Variants in SLC7A6 observed in about 807,000 individuals in gnomAD.
SLC7A6 encodes the protein solute carrier family 7 member 6.
Under a neutral mutation model 46.6 loss-of-function variants are expected in SLC7A6, and 29 were observed. The observed-to-expected ratio is 0.62, with a 90% CI of 0.46 to 0.85. The LOEUF (loss-of-function observed/expected upper bound fraction) is 0.85. Ranked by LOEUF, SLC7A6 falls within the 40% of genes least tolerant of loss-of-function variation. SLC7A6 has a pLI of 0.00. For synonymous variants in SLC7A6, 276 were observed against 257.3 expected, an observed-to-expected ratio of 1.07 and a Z score of -0.70; for missense variants, 527 against 647.6, an observed-to-expected ratio of 0.81 and a Z score of 2.02.
In SLC7A6 at chr16:68,298,122, T is replaced by C. The variant is rs1424646163; in HGVS notation, c.*794T>C. ...TCACGTTACAAGCACTTGGCTCAGG[T>C]CCAGCAAGGACAGATGAACAAATTC... On this transcript the variant is annotated 3_prime_UTR_variant, in exon 11 of 11. Coordinates refer to ENST00000219343, the MANE Select transcript of SLC7A6 (RefSeq NM_003983.6). 1 of 152,674 alleles carries C rather than the reference T, an allele frequency of 6.5e-6. No homozygotes were observed. The highest frequency in any genetic ancestry group is 6.5e-5 in the Admixed American group (1 of 15,284). The allele number at this position is 152,674 out of a possible 1,614,324, so 9.5% of individuals were successfully genotyped here.
chr16:68,293,672 G>A (rs951100330), intron 7 of SLC7A6, among the ~76,000 whole-genome samples: 2 of 152,156 alleles, frequency 1.3e-5, no homozygotes, highest in South Asian at 2.1e-4. Flanking sequence ...TGGGGCTCTA[G>A]GCATTCTACA....
At chr16:68,276,749 G>A (rs1411677804) in intron 3 of SLC7A6, among the ~76,000 whole-genome samples, 1 of 152,156 alleles carries the variant, frequency 6.6e-6, no homozygotes, top group Non-Finnish European at 1.5e-5. Context: ...TGTAATCCCA[G>A]CACTTTGGGA....
At chr16:68,284,631 C>T (rs2042890873) in intron 3 of SLC7A6, 4 of 985,086 alleles carry the variant, frequency 4.1e-6, no homozygotes, top group Non-Finnish European at 4.8e-6. Flanking sequence ...GGAGAAGGAT[C>T]AGAAGTGAGA....
intron 7 of SLC7A6, among the ~76,000 whole-genome samples, chr16:68,293,887 C>G (rs570897910): frequency 6.6e-5 from 10 of 152,240 alleles, no homozygotes; most frequent in East Asian, 1.9e-4. Context: ...CAGTTCATTT[C>G]TGTGCCAGTC....
In SLC7A6 at chr16:68,294,703, AG is replaced by A; in HGVS notation, c.1023del. 6.2e-7 allele frequency: 1 copy of A among 1,605,910 alleles called. No individual in the cohort carries two copies. The highest frequency in any genetic ancestry group is 8.5e-7 in the Non-Finnish European group (1 of 1,172,526). On this transcript the variant is annotated splice_acceptor_variant, in intron 7 of 10. Transcript: ENST00000219343. LOFTEE classifies it high-confidence loss of function. ...CTGCTGACACATTTCTCATCCTTCT[AG>A]GTTGTTCTTCGTGGGCTCCCGGGAG...
chr16:68,292,438 A>G (rs1342469967), intron 7 of SLC7A6: 5 of 152,334 alleles, frequency 3.3e-5, no homozygotes, highest in African/African-American at 9.6e-5. Context: ...CAGCTCTCCA[A>G]TAGCTTCTCT....
intron 3 of SLC7A6, 96 bp downstream of exon 3, chr16:68,275,345 C>G (rs2042691835): frequency 6.8e-7 from 1 of 1,476,822 alleles, no homozygotes; most frequent in Non-Finnish European, 9.1e-7. Context: ...CCTATAATCC[C>G]AGCACTTTGG....
rs1005008151 is a variant in SLC7A6 at position 68,297,561 on chromosome 16, T to A, written c.*233T>A. 1.3e-5 allele frequency: 6 copies of A among 450,148 alleles called. No individual in the cohort carries two copies. The highest frequency in any genetic ancestry group is 4.1e-5 in the African/African-American group (2 of 49,084). 27.9% of individuals were successfully genotyped at this position (450,148 alleles called of 1,614,324 possible). On this transcript the variant is annotated 3_prime_UTR_variant, in exon 11 of 11. Coordinates refer to ENST00000219343, the MANE Select transcript of SLC7A6 (RefSeq NM_003983.6). ...GGGGAAGATTGGGGAACGGGGGGAA[T>A]GGTCATTTAGTTTTACTCCTGATAG...
chr16:68,266,423 A>G (rs2042535598), intron 1 of SLC7A6, among the ~76,000 whole-genome samples, 170 bp from the exon 2 acceptor site: 1 of 152,212 alleles, frequency 6.6e-6, no homozygotes, highest in Admixed American at 6.5e-5. Flanking sequence ...CCTGCTAGTA[A>G]TTAGGACTGC....
rs759611561 is a variant in SLC7A6, at chr16:68,290,526, C to A, written c.780C>A (p.Ile260=). Residue 260 remains isoleucine (I), a synonymous_variant, in exon 5 of 11, where the codon ATC becomes ATA. Coordinates refer to ENST00000219343, the MANE Select transcript of SLC7A6 (RefSeq NM_003983.6). ...CCCTTAATTTTGTAACAGAAGAAAT[C>A]AAAAACCCAGAAAGGTAAAGATGGG... is the stretch of plus-strand genomic sequence containing the variant. ...WDTLNFVTEE[I]KNPERNLPLA... The A allele has an allele frequency of 1.1e-5, 17 of 1,614,172 alleles. 1 individual carries two copies. The highest frequency in any genetic ancestry group is 8.8e-5 in the South Asian group (8 of 91,072).
rs1167118429 is a variant in SLC7A6, at chr16:68,298,128, A to G, written c.*800A>G. Reference sequence around the variant, plus strand: ...TACAAGCACTTGGCTCAGGTCCAGCAAGGACAGATGAACAAATTCCTGAGT... The same window carrying G: ...TACAAGCACTTGGCTCAGGTCCAGCGAGGACAGATGAACAAATTCCTGAGT... On this transcript the variant is annotated 3_prime_UTR_variant, in exon 11 of 11. Transcript: ENST00000219343. 4 of 152,674 alleles carry G rather than the reference A, an allele frequency of 2.6e-5. No homozygotes were observed. The highest frequency in any genetic ancestry group is 5.9e-5 in the Non-Finnish European group (4 of 68,042). The allele number at this position is 152,674 out of a possible 1,614,324, so 9.5% of individuals were successfully genotyped here.
chr16:68,291,805 T>C, intron 7 of SLC7A6, 144 bp downstream of exon 7: 1 of 444,936 alleles, frequency 2.2e-6, no homozygotes. Context: ...GTGTGTTTGG[T>C]ATGTGGGCAT....
intron 3 of SLC7A6, among the ~76,000 whole-genome samples, chr16:68,285,011 C>T (rs1401443498): frequency 2.6e-5 from 4 of 151,970 alleles, no homozygotes; most frequent in African/African-American, 9.7e-5. Flanking sequence ...GTTGGGACTC[C>T]AGGTGTGCAC....
chr16:68,273,494 G>A (rs1439084292), intron 2 of SLC7A6, among the ~76,000 whole-genome samples: 1 of 152,116 alleles, frequency 6.6e-6, no homozygotes, highest in Non-Finnish European at 1.5e-5. Flanking sequence ...CACGCTGGGT[G>A]CAGGGTCAGG....
At chr16:68,296,959 G>A in intron 10 of SLC7A6, 149 bp downstream of exon 10, 3 of 850,538 alleles carry the variant, frequency 3.5e-6, no homozygotes, top group East Asian at 5.3e-5. Context: ...ATTTTGACAT[G>A]ATCACTTTAG....
rs541938974 is a variant in SLC7A6 at position 68,281,359 on chromosome 16, A to G, written c.523+6110A>G. 2.7e-4 allele frequency among the ~76,000 whole-genome samples: 41 copies of G among 152,202 alleles called. No homozygotes were observed. The South Asian group carries it at 7.9e-3, about 29-fold the overall frequency. ...TCTGGAGACACTTTTGGTTGTCACA[A>G]CTCCTGGAAGGGGGTGCTTTTTGCT... On this transcript the variant is annotated intron_variant, in intron 3 of 10. Coordinates refer to ENST00000219343, the MANE Select transcript of SLC7A6 (RefSeq NM_003983.6).
intron 4 of SLC7A6, among the ~76,000 whole-genome samples, chr16:68,289,930 G>C (rs1172815221): frequency 6.6e-6 from 1 of 152,204 alleles, no homozygotes; most frequent in Non-Finnish European, 1.5e-5. Flanking sequence ...TAGTTCACAG[G>C]AAGGTATAAT....
Position 68,290,304 on chromosome 16 carries a change from C to T in SLC7A6, c.650-92C>T, listed in dbSNP as rs187763788. 2,137 of 1,339,352 alleles carry T rather than the reference C, an allele frequency of 1.6e-3. 58 individuals carry two copies. In the Admixed American group the frequency reaches 0.041, roughly 26 times the overall value. The allele number at this position is 1,339,352 out of a possible 1,614,324, so 83.0% of individuals were successfully genotyped here. ...CCCTTCCTCTTTCCTATTCTCCTTTCGTATCTTTCTCTTACACCTCCCATC... is the reference window on the plus strand; with the variant it reads ...CCCTTCCTCTTTCCTATTCTCCTTTTGTATCTTTCTCTTACACCTCCCATC... On this transcript the variant is annotated intron_variant, in intron 4 of 10. Coordinates refer to ENST00000219343, the MANE Select transcript of SLC7A6 (RefSeq NM_003983.6).
chr16:68,274,707 G>A lies in SLC7A6; in HGVS notation c.-20G>A. ...CTTTGCCAGGCCACAGCAAACACAG[G>A]TGTGCAGGAACCGTTTGTCATGGAA... On this transcript the variant is annotated 5_prime_UTR_variant, in exon 3 of 11. In the 5' UTR this introduces an upstream ATG that the reference lacks. Coordinates refer to ENST00000219343, the MANE Select transcript of SLC7A6 (RefSeq NM_003983.6). 1.9e-6 allele frequency: 3 copies of A among 1,613,288 alleles called. No individual in the cohort carries two copies. The highest frequency in any genetic ancestry group is 2.5e-6 in the Non-Finnish European group (3 of 1,179,374).
Sources: gnomAD v4.1 joint callset for allele counts (sites outside exome capture counted in the v4.1 genomes callset) on GRCh38, gnomAD v4.1.1 for gene constraint, MANE v1.5 for transcripts, NCBI Gene and HGNC (gene_info 2026-07-23, HGNC 2026-07-21) for gene names.